Variants in SAXO1 observed in about 807,000 individuals in gnomAD.
SAXO1 encodes the protein stabilizer of axonemal microtubules 1.
SAXO1 carries 21 observed loss-of-function variants against 17.5 expected under a neutral mutation model. The ratio of observed to expected loss-of-function variants is 1.20; its 90% CI spans 0.85 to 1.72. The LOEUF is 1.72. SAXO1 is among the 40% of genes most tolerant of loss of function. The probability of loss-of-function intolerance (pLI) is 0.00; values close to 1 mark genes in which losing one functional copy is unlikely to be tolerated. For missense variants in SAXO1, 843 were observed against 596.0 expected (o/e 1.41, Z -4.32); for synonymous variants, 274 against 216.5 (o/e 1.27, Z -2.33).
At chr9:19,002,816 C>A (rs4518746) in intron 1 of SAXO1, among the ~76,000 whole-genome samples, 22,016 of 152,176 alleles carry the variant, frequency 0.14, 2,037 homozygotes, top group African/African-American at 0.27. Flanking sequence ...TGGAAGCATT[C>A]CCTTTGAAAA....
At chr9:18,965,214 G>A (rs902428374) in intron 1 of SAXO1, among the ~76,000 whole-genome samples, 11 of 152,218 alleles carry the variant, frequency 7.2e-5, no homozygotes, top group Non-Finnish European at 1.3e-4. Flanking sequence ...ATGTGGTGCT[G>A]AGAAGAATGT....
intron 1 of SAXO1, among the ~76,000 whole-genome samples, chr9:18,990,063 A>G (rs1833755943): frequency 6.6e-6 from 1 of 152,198 alleles, no homozygotes; most frequent in Non-Finnish European, 1.5e-5. Context: ...GTTCCAAAGG[A>G]TTAAGCAACT....
At chr9:19,027,077 G>A (rs902227743) in intron 1 of SAXO1, 1 of 868,886 alleles carries the variant, frequency 1.2e-6, no homozygotes, top group Admixed American at 1.7e-5. Context: ...AGAACAGTGA[G>A]AAAATCAATG....
chr9:19,008,031 C>T (rs1252278741), intron 1 of SAXO1, among the ~76,000 whole-genome samples: 2 of 151,596 alleles, frequency 1.3e-5, no homozygotes, highest in Non-Finnish European at 1.5e-5. Context: ...ACAGTGGCAC[C>T]GTCTCAGCTC....
chr9:19,006,404 G>C (rs902867561), intron 1 of SAXO1, among the ~76,000 whole-genome samples: 1 of 152,208 alleles, frequency 6.6e-6, no homozygotes, highest in African/African-American at 2.4e-5. Flanking sequence ...ACAAAATGTG[G>C]TGGTAAACAC....
intron 2 of SAXO1, among the ~76,000 whole-genome samples, chr9:18,948,189 A>G (rs900524063): frequency 1.3e-5 from 2 of 152,192 alleles, no homozygotes; most frequent in African/African-American, 4.8e-5. Context: ...TAGCTTCCCT[A>G]CATTTCCTGA....
intron 1 of SAXO1, among the ~76,000 whole-genome samples, chr9:18,963,851 G>T (rs1470638067): frequency 3.3e-5 from 5 of 152,244 alleles, no homozygotes; most frequent in African/African-American, 1.2e-4. Context: ...GGTGAGAGAG[G>T]GCATCCTTGT....
intron 1 of SAXO1, among the ~76,000 whole-genome samples, chr9:18,980,020 A>G (rs890295171): frequency 6.6e-6 from 1 of 152,136 alleles, no homozygotes; most frequent in Non-Finnish European, 1.5e-5. Context: ...GCCTGGTGGT[A>G]TAACTTTCTG....
chr9:18,950,728 C>T lies in SAXO1; in HGVS notation c.218+30G>A, dbSNP rs1172575464. ...TGTTACTCCATTAGTGTTGTATGTA[C>T]CTGCATACATTAATACTGTTTGCCC... On this transcript the variant is annotated intron_variant, in intron 2 of 3. Transcript: ENST00000380534. The T allele has an allele frequency of 3.8e-6, 6 of 1,585,196 alleles. No individual in the cohort carries two copies. In the African/African-American group the frequency reaches 6.7e-5, roughly 18 times the overall value.
At chr9:18,940,769 G>A (rs181071672) in intron 3 of SAXO1, among the ~76,000 whole-genome samples, 8 of 152,232 alleles carry the variant, frequency 5.3e-5, no homozygotes, top group East Asian at 1.9e-4. Context: ...ATATGACCAC[G>A]TATCTTGTCT....
chr9:19,020,855 T>A (rs1161302630), intron 1 of SAXO1, among the ~76,000 whole-genome samples: 2 of 152,156 alleles, frequency 1.3e-5, no homozygotes, highest in Non-Finnish European at 2.9e-5. Context: ...AATGGTGACA[T>A]TGTTTTAAGC....
intron 1 of SAXO1, among the ~76,000 whole-genome samples, chr9:18,954,030 G>A (rs1264406625): frequency 6.6e-6 from 1 of 152,154 alleles, no homozygotes; most frequent in African/African-American, 2.4e-5. Context: ...TGATACTTGG[G>A]TCGTTCCAAG....
At chr9:19,011,627 A>C (rs940046360) in intron 1 of SAXO1, among the ~76,000 whole-genome samples, 10 of 152,174 alleles carry the variant, frequency 6.6e-5, no homozygotes, top group Non-Finnish European at 1.2e-4. Flanking sequence ...GGGTAGATAC[A>C]CCGACTCAGT....
chr9:18,965,259 G>C (rs951754328), intron 1 of SAXO1, among the ~76,000 whole-genome samples: 1 of 152,122 alleles, frequency 6.6e-6, no homozygotes. Flanking sequence ...AGTTCTGGAG[G>C]TGTCTATTAG....
At chr9:18,933,343 A>T (rs1461827060) in intron 3 of SAXO1, among the ~76,000 whole-genome samples, 1 of 152,206 alleles carries the variant, frequency 6.6e-6, no homozygotes, top group Non-Finnish European at 1.5e-5. Flanking sequence ...CCAACTTTGA[A>T]TTCCCAGAAT....
chr9:19,021,465 C>T (rs1835229833), intron 1 of SAXO1, among the ~76,000 whole-genome samples: 1 of 152,194 alleles, frequency 6.6e-6, no homozygotes. Context: ...CTTGAGGTCG[C>T]CAGCAGAGGC....
At chr9:18,994,700 T>G (rs1390442751) in intron 1 of SAXO1, among the ~76,000 whole-genome samples, 3 of 152,324 alleles carry the variant, frequency 2.0e-5, no homozygotes, top group East Asian at 1.9e-4. Flanking sequence ...CCGGCCTTAG[T>G]TGTCACCTAC....
chr9:18,949,867 A>T (rs748978677), intron 2 of SAXO1, among the ~76,000 whole-genome samples: 2 of 152,210 alleles, frequency 1.3e-5, no homozygotes, highest in South Asian at 4.1e-4. Context: ...AACAGTCAAC[A>T]TTCACCATCA....
At chr9:19,013,080 A>G (rs1278224645) in intron 1 of SAXO1, among the ~76,000 whole-genome samples, 2 of 152,168 alleles carry the variant, frequency 1.3e-5, no homozygotes, top group Non-Finnish European at 2.9e-5. Context: ...CACCTCTTGC[A>G]TGCCTTTTCA....
Sources: allele counts gnomAD v4.1 joint callset (sites outside exome capture counted in the v4.1 genomes callset), GRCh38; gene constraint gnomAD v4.1.1; transcripts MANE v1.5; gene names NCBI Gene and HGNC (gene_info 2026-07-23, HGNC 2026-07-21).